The following CC2D1A variants were observed in gnomAD, a reference collection of about 807,000 sequenced individuals.
The protein encoded by CC2D1A is coiled-coil and C2 domain-containing protein 1A.
CC2D1A carries 68 observed loss-of-function variants against 123.8 expected under a neutral mutation model. That is an observed-to-expected ratio of 0.55 (90% CI 0.45 to 0.67). CC2D1A has a LOEUF of 0.67. Among genes scored for constraint, CC2D1A ranks in the 30% least tolerant of loss-of-function variants. The probability of loss-of-function intolerance (pLI) is 0.00; values close to 1 mark genes in which losing one functional copy is unlikely to be tolerated. For missense variants in CC2D1A, 1,185 were observed against 1,290.3 expected (o/e 0.92, Z 1.25); for synonymous variants, 477 against 528.0 (o/e 0.90, Z 1.32).
intron 26 of CC2D1A, 85 bp from the exon 27 acceptor site, chr19:13,929,993 G>A (rs1971837256): frequency 8.5e-6 from 12 of 1,409,514 alleles, no homozygotes; most frequent in African/African-American, 1.4e-5. Context: ...GGCGGGGGAC[G>A]GGCTTGGGGA....
rs372856253 is a variant in CC2D1A at position 13,912,519 on chromosome 19, T to C, written c.313-9T>C. 64 of 1,614,106 alleles carry C rather than the reference T, an allele frequency of 4.0e-5. 1 individual carries two copies. The African/African-American group carries it at 7.1e-4, about 18-fold the overall frequency. On this transcript the variant is annotated splice_polypyrimidine_tract_variant and intron_variant, in intron 3 of 28. Coordinates refer to ENST00000318003, the MANE Select transcript of CC2D1A (RefSeq NM_017721.5). ...CCTTATATCCTGCCCTGGCTGTGTG[T>C]CCCTGCAGGCGGAGCTAAATGAGGT...
At chr19:13,910,020 A>C in intron 2 of CC2D1A, 62 bp downstream of exon 2, 1 of 1,449,800 alleles carries the variant, frequency 6.9e-7, no homozygotes, top group African/African-American at 1.4e-5. Context: ...TCGGGCGCAG[A>C]ACTGGGGGCA....
In CC2D1A at chr19:13,913,564, G is replaced by A. The variant is rs1170101390; in HGVS notation, c.674G>A (p.Arg225Lys). The A allele has an allele frequency of 1.2e-6, 2 of 1,614,042 alleles. No individual in the cohort carries two copies. Among genetic ancestry groups the A allele is most frequent in the Non-Finnish European group, 1.7e-6 (2 of 1,180,014 alleles). The change falls in exon 6 of 29, where the codon AGG becomes AAG. Residue 225 changes from arginine (R) to lysine (K), a missense_variant. By Grantham distance (26) the Arg-to-Lys change is conservative (BLOSUM62 2). Transcript: ENST00000318003. Reference protein sequence around the residue: ...APRIASAPEPRVTLEGPSATA... With the variant: ...APRIASAPEPKVTLEGPSATA... ...AGAATCGCGTCAGCCCCAGAGCCCA[G>A]GGTCACCCTGGAGGGACCTTCTGCC...
chr19:13,929,645 G>A lies in CC2D1A; in HGVS notation c.2695G>A (p.Val899Met). The change falls in exon 26 of 29, where the codon GTG (valine) becomes ATG (methionine). Residue 899 changes from valine to methionine, a missense_variant. Physicochemically the swap from Val to Met is conservative, Grantham distance 21 (BLOSUM62 1). Transcript: ENST00000318003. ...GAGGGCACAGCTGGAGCAGGGGGGT[G>A]TGGGCATCCGACGGGGTAGGGGTTT... The part of the protein sequence containing the change: ...WQRAQLEQGG[V>M]GIRREYAAQL... The A allele has an allele frequency of 6.4e-7, 1 of 1,558,314 alleles. No individual in the cohort carries two copies. The highest frequency in any genetic ancestry group is 8.7e-7 in the Non-Finnish European group (1 of 1,154,746).
At chr19:13,912,709 G>C in intron 4 of CC2D1A, 116 bp downstream of exon 4, 1 of 1,036,760 alleles carries the variant, frequency 9.6e-7, no homozygotes, top group South Asian at 1.4e-5. Context: ...CTGGAGTGCA[G>C]TGGTGCCATC....
At position 13,930,501 on chromosome 19, in the gene CC2D1A, G is replaced by A. The variant is rs559259982; in HGVS notation, c.*106G>A. Reference sequence around the variant, plus strand: ...ACAAGCAGACAATCAGCGGACAATCGGTTCTGGACTCACCCCTCATCCGGG... The same window carrying A: ...ACAAGCAGACAATCAGCGGACAATCAGTTCTGGACTCACCCCTCATCCGGG... On this transcript the variant is annotated 3_prime_UTR_variant, in exon 29 of 29. Transcript: ENST00000318003. This position sits in a 1 kb window ranked among gnomAD's most constrained non-coding sequence, Gnocchi z 6.8. The A allele has an allele frequency of 5.4e-6, 7 of 1,297,332 alleles. No homozygotes were observed. The African/African-American group carries it at 8.9e-5, about 17-fold the overall frequency. 80.4% of individuals were successfully genotyped at this position (1,297,332 alleles called of 1,614,324 possible). A position where few individuals can be genotyped will look rare whatever the true frequency, so the allele number is the denominator to read the frequency against.
At position 13,923,482 on chromosome 19, in the gene CC2D1A, C is replaced by T. The variant is rs1388934976; in HGVS notation, c.1764+27C>T. On this transcript the variant is annotated intron_variant, in intron 15 of 28. Coordinates refer to ENST00000318003, the MANE Select transcript of CC2D1A (RefSeq NM_017721.5). The surrounding 1 kb of genome is among the most constrained non-coding windows in gnomAD (Gnocchi z 5.3). ...TGAGGGGGAGGCCCCCAGCCCATCC[C>T]CCAGGAGCGTGACCCTCCTTCCCCT... The T allele has an allele frequency of 6.2e-7, 1 of 1,614,154 alleles. No homozygotes were observed. Among genetic ancestry groups the T allele is most frequent in the Admixed American group, 1.7e-5 (1 of 60,014 alleles).
chr19:13,920,479 C>T (rs1971370673), intron 12 of CC2D1A, 78 bp from the exon 13 acceptor site: 2 of 878,634 alleles, frequency 2.3e-6, no homozygotes, highest in Non-Finnish European at 3.8e-6. Flanking sequence ...CTGTTGTCAC[C>T]ATCAGACCCT....
chr19:13,925,985 TATAC>T (rs1408753024), intron 17 of CC2D1A, among the ~76,000 whole-genome samples: 8 of 125,992 alleles, frequency 6.3e-5, no homozygotes, highest in African/African-American at 3.0e-4. Flanking sequence ...TGTATATATA[TATAC>T]ATATATGTGT....
Position 13,913,309 on chromosome 19 carries a change from G to A in CC2D1A, c.513+7G>A, listed in dbSNP as rs1364784098. ...CTACGATCGGGGGCTTAAAGTAAGT[G>A]GGCAGAGGGCAGGGTACAGGGACCC... is the stretch of plus-strand genomic sequence containing the variant. On this transcript the variant is annotated splice_region_variant and intron_variant, in intron 5 of 28. Transcript: ENST00000318003. 6.2e-7 allele frequency: 1 copy of A among 1,601,974 alleles called. No homozygotes were observed. The highest frequency in any genetic ancestry group is 2.2e-5 in the East Asian group (1 of 44,846).
In CC2D1A at chr19:13,929,517, C is replaced by A. The variant is rs540773044; in HGVS notation, c.2584-17C>A. ...AGGCCCAGGCAGGATCCTCACAGGA[C>A]CCTCTGTATCCTCTAGATCCTGGCC... On this transcript the variant is annotated splice_polypyrimidine_tract_variant and intron_variant, in intron 25 of 28. Transcript: ENST00000318003. 174 of 1,612,296 alleles carry A rather than the reference C, an allele frequency of 1.1e-4. 1 individual carries two copies. The South Asian group carries it at 1.8e-3, about 17-fold the overall frequency.
At position 13,912,558 on chromosome 19, in the gene CC2D1A, C is replaced by G. The variant is rs750166752; in HGVS notation, c.343C>G (p.Gln115Glu). The G allele has an allele frequency of 1.9e-6, 3 of 1,614,118 alleles. No homozygotes were observed. Among genetic ancestry groups the G allele is most frequent in the Non-Finnish European group, 2.5e-6 (3 of 1,180,030 alleles). Residue 115 changes from glutamine to glutamate, a missense_variant, in exon 4 of 29, where the codon CAG becomes GAG. Physicochemically the swap from Gln to Glu is conservative, Grantham distance 29. Transcript: ENST00000318003. ...GCTAAATGAGGTCCTTGGAGAGGAGCAGAAGGCTTCAGAGACCCCACCTCC... is the reference window on the plus strand; with the variant it reads ...GCTAAATGAGGTCCTTGGAGAGGAGGAGAAGGCTTCAGAGACCCCACCTCC... Reference protein sequence around the residue: ...AELNEVLGEEQKASETPPPVA... With the variant: ...AELNEVLGEEEKASETPPPVA...
chr19:13,906,421 T>C lies in CC2D1A; in HGVS notation c.-21T>C. 1 of 1,508,414 alleles carries C rather than the reference T, an allele frequency of 6.6e-7. No individual in the cohort carries two copies. The highest frequency in any genetic ancestry group is 8.8e-7 in the Non-Finnish European group (1 of 1,130,674). 93.4% of individuals were successfully genotyped at this position (1,508,414 alleles called of 1,614,324 possible). On this transcript the variant is annotated 5_prime_UTR_variant, in exon 1 of 29. Coordinates refer to ENST00000318003, the MANE Select transcript of CC2D1A (RefSeq NM_017721.5). This position sits in a 1 kb window ranked among gnomAD's most constrained non-coding sequence, Gnocchi z 4.1. ...CAAGGCCGGGCTTGGGGGCAGGTGG[T>C]CCGGGCATCCAGCCTTGAAGATGCA...
Position 13,906,212 on chromosome 19 carries a change from T to A in CC2D1A, c.-230T>A. The A allele has an allele frequency of 2.3e-6, 1 of 425,734 alleles. No homozygotes were observed. The highest frequency in any genetic ancestry group is 4.2e-6 in the Non-Finnish European group (1 of 239,632). 26.4% of individuals were successfully genotyped at this position (425,734 alleles called of 1,614,324 possible). A position where few individuals can be genotyped will look rare whatever the true frequency, so the allele number is the denominator to read the frequency against. On this transcript the variant is annotated 5_prime_UTR_variant, in exon 1 of 29. Coordinates refer to ENST00000318003, the MANE Select transcript of CC2D1A (RefSeq NM_017721.5). This position sits in a 1 kb window ranked among gnomAD's most constrained non-coding sequence, Gnocchi z 4.1. ...ACCTGCCGGGAGTTGTAGTTTCGGC[T>A]CGGCAGACCCGGCGAGCCCAGTGGC...
At chr19:13,927,308 C>G (rs1238498495) in intron 22 of CC2D1A, 43 bp downstream of exon 22, 1 of 1,488,816 alleles carries the variant, frequency 6.7e-7, no homozygotes, top group Non-Finnish European at 9.4e-7. Context: ...TATGGCCATG[C>G]TACTCGTTAA....
intron 10 of CC2D1A, 24 bp downstream of exon 10, chr19:13,919,066 G>A (rs1483906694): frequency 1.2e-6 from 2 of 1,602,182 alleles, no homozygotes; most frequent in Admixed American, 1.7e-5. Context: ...TCCGGGGGAG[G>A]TGGGGCGAGT....
intron 6 of CC2D1A, among the ~76,000 whole-genome samples, chr19:13,914,791 G>T (rs555360756): frequency 1.3e-5 from 2 of 152,024 alleles, no homozygotes; most frequent in Non-Finnish European, 2.9e-5. Context: ...ATATGCCACC[G>T]TGCCCCATGC....
In CC2D1A at chr19:13,906,663, C is replaced by T. The variant is rs368112313; in HGVS notation, c.60+162C>T. Among the ~76,000 whole-genome samples, 6 of 152,320 alleles carry T rather than the reference C, an allele frequency of 3.9e-5. 1 individual carries two copies. Among genetic ancestry groups the T allele is most frequent in the Admixed American group, 3.3e-4 (5 of 15,304 alleles). On this transcript the variant is annotated intron_variant, in intron 1 of 28. Coordinates refer to ENST00000318003, the MANE Select transcript of CC2D1A (RefSeq NM_017721.5). The surrounding 1 kb of genome is among the most constrained non-coding windows in gnomAD (Gnocchi z 4.1). ...GGCTCCAACACCACCCAAGTGTGGC[C>T]TACTGGCCTTGGCTCCCCAGCTCCT...
rs746894472 is a variant in CC2D1A at position 13,926,524 on chromosome 19, C to A, written c.1948C>A (p.Pro650Thr). The A allele has an allele frequency of 1.2e-6, 2 of 1,614,026 alleles. No individual in the cohort carries two copies. Among genetic ancestry groups the A allele is most frequent in the Admixed American group, 3.3e-5 (2 of 59,992 alleles). ...CACCTGCCCACCCGGAAGGATCTTCCCTGACCTCAGCAGCAACGACATGCT... is the reference window on the plus strand; with the variant it reads ...CACCTGCCCACCCGGAAGGATCTTCACTGACCTCAGCAGCAACGACATGCT... The part of the protein sequence containing the change: ...QRTFSVIKIF[P>T]DLSSNDMLLF... The change falls in exon 18 of 29, where the codon CCT becomes ACT. Residue 650 changes from proline (P) to threonine (T), a missense_variant. Transcript: ENST00000318003.
Sources: allele counts gnomAD v4.1 joint callset (sites outside exome capture counted in the v4.1 genomes callset), GRCh38; gene constraint gnomAD v4.1.1; non-coding constraint Gnocchi (gnomAD v3.1); transcripts MANE v1.5; gene names NCBI Gene and HGNC (gene_info 2026-07-23, HGNC 2026-07-21).